FBXO38: variants seen among roughly 807,000 people sequenced by gnomAD.
FBXO38 encodes the protein F-box protein 38.
A neutral mutation model predicts 131.9 loss-of-function variants in FBXO38; 53 were observed. That is an observed-to-expected ratio of 0.40 (90% confidence interval 0.32 to 0.51). FBXO38 has a LOEUF of 0.51. FBXO38 is among the 20% of genes least tolerant of loss of function. The pLI is 0.53. For missense variants in FBXO38, 1,076 were observed against 1,475.6 expected (o/e 0.73, Z 4.44); for synonymous variants, 452 against 505.6 (o/e 0.89, Z 1.42).
chr5:148,432,160 T>G (rs968414593), intron 15 of FBXO38, among the ~76,000 whole-genome samples: 1 of 152,202 alleles, frequency 6.6e-6, no homozygotes, highest in Admixed American at 6.5e-5. Context: ...AAAAAAGCAG[T>G]ATAGTGGTGA....
intron 14 of FBXO38, among the ~76,000 whole-genome samples, 173 bp from the exon 15 acceptor site, chr5:148,427,040 G>T (rs1351634813): frequency 6.6e-6 from 1 of 152,162 alleles, no homozygotes; most frequent in East Asian, 1.9e-4. Context: ...ATAGACACTA[G>T]GGAGCCATAG....
intron 12 of FBXO38, among the ~76,000 whole-genome samples, chr5:148,423,501 T>C (rs1432417680): frequency 6.6e-6 from 1 of 152,236 alleles, no homozygotes; most frequent in Non-Finnish European, 1.5e-5. Context: ...TGATTGGCTT[T>C]TATCATGAAA....
chr5:148,435,372 G>T (rs914149788), intron 17 of FBXO38, among the ~76,000 whole-genome samples: 1 of 152,150 alleles, frequency 6.6e-6, no homozygotes, highest in Non-Finnish European at 1.5e-5. Flanking sequence ...TTCTTCCTTG[G>T]TGTTCACAAC....
intron 1 of FBXO38, 76 bp from the exon 2 acceptor site, chr5:148,394,637 GA>G (rs1758380818): frequency 1.7e-6 from 1 of 576,944 alleles, no homozygotes; most frequent in African/African-American, 2.0e-5. Context: ...GTGTGTGTTT[GA>G]AAATAAACAT....
rs1561552014 is a variant in FBXO38, at chr5:148,442,655, C to T, written c.*508C>T. 6.6e-6 allele frequency: 1 copy of T among 151,980 alleles called. No individual in the cohort carries two copies. Among genetic ancestry groups the T allele is most frequent in the Non-Finnish European group, 1.5e-5 (1 of 68,046 alleles). 9.4% of individuals were successfully genotyped at this position (151,980 alleles called of 1,614,324 possible). On this transcript the variant is annotated 3_prime_UTR_variant, in exon 22 of 22. Transcript: ENST00000340253. ...TATGTTTCTGTACAAAGCTGTAGTTCTTTCTTAGTATTATAGTTGCCATGT... is the reference window on the plus strand; with the variant it reads ...TATGTTTCTGTACAAAGCTGTAGTTTTTTCTTAGTATTATAGTTGCCATGT...
chr5:148,399,411 A>G (rs1297926103), intron 3 of FBXO38: 3 of 388,588 alleles, frequency 7.7e-6, no homozygotes, highest in East Asian at 4.8e-5. Flanking sequence ...GCCTTTGGTT[A>G]ATTGAGTATA....
At chr5:148,397,554 A>G (rs1005991044) in intron 2 of FBXO38, 3 of 152,216 alleles carry the variant, frequency 2.0e-5, no homozygotes, top group Non-Finnish European at 4.4e-5. Flanking sequence ...GTTATAGAGT[A>G]AATTAAGTTA....
At chr5:148,434,739 T>C (rs1164114724) in intron 17 of FBXO38, 1 of 152,194 alleles carries the variant, frequency 6.6e-6, no homozygotes, top group Admixed American at 6.5e-5. Context: ...TATACTATAG[T>C]CTATTATATG....
intron 9 of FBXO38, chr5:148,413,472 G>C (rs781466858): frequency 3.3e-5 from 5 of 152,298 alleles, no homozygotes; most frequent in Non-Finnish European, 5.9e-5. Context: ...TGGAGCGTGA[G>C]GGGGCAGGCA....
At position 148,442,352 on chromosome 5, in the gene FBXO38, A is replaced by G. The variant is rs1286087225; in HGVS notation, c.*205A>G. 18 of 394,562 alleles carry G rather than the reference A, an allele frequency of 4.6e-5. 1 individual carries two copies. The East Asian group carries it at 6.5e-4, about 14-fold the overall frequency. The allele number at this position is 394,562 out of a possible 1,614,324, so 24.4% of individuals were successfully genotyped here. A position where few individuals can be genotyped will look rare whatever the true frequency, so the allele number is the denominator to read the frequency against. ...AGACGCTTCCTAAAGTACCAACTTTATATCATATGTTTATACAATTTAATT... is the reference window on the plus strand; with the variant it reads ...AGACGCTTCCTAAAGTACCAACTTTGTATCATATGTTTATACAATTTAATT... On this transcript the variant is annotated 3_prime_UTR_variant, in exon 22 of 22. Coordinates refer to ENST00000340253, the MANE Select transcript of FBXO38 (RefSeq NM_205836.3).
chr5:148,398,455 AAT>A (rs1491163254), intron 2 of FBXO38, among the ~76,000 whole-genome samples: 2 of 147,584 alleles, frequency 1.4e-5, no homozygotes, highest in Admixed American at 6.7e-5. Flanking sequence ...AAAAAAAAAA[AAT>A]GGGAAAAGAA....
rs905158235 is a variant in FBXO38 at position 148,427,568 on chromosome 5, G to A, written c.2274G>A (p.Glu758=). ...RQCACSPGGS[E]DSEAMEEGDA... is the part of the protein sequence containing the mutation. ...GTGCCTGCTCCCCCGGTGGGTCAGA[G>A]GACTCTGAGGCCATGGAGGAGGGAG... Residue 758 remains glutamate, a synonymous_variant, in exon 15 of 22, where the codon GAG becomes GAA. Transcript: ENST00000340253. The A allele has an allele frequency of 6.2e-7, 1 of 1,614,172 alleles. No homozygotes were observed. Among genetic ancestry groups the A allele is most frequent in the Non-Finnish European group, 8.5e-7 (1 of 1,180,040 alleles).
At chr5:148,413,732 A>G (rs1581255311) in intron 9 of FBXO38, 1 of 155,278 alleles carries the variant, frequency 6.4e-6, no homozygotes, top group African/African-American at 2.4e-5. Flanking sequence ...ACATGTCCAC[A>G]CTGGGCTCCA....
Position 148,399,110 on chromosome 5 carries a change from G to A in FBXO38, c.240G>A (p.Arg80=), listed in dbSNP as rs755427916. The change falls in exon 3 of 22, where the codon CGG becomes CGA. Residue 80 remains arginine (R), a synonymous_variant. Coordinates refer to ENST00000340253, the MANE Select transcript of FBXO38 (RefSeq NM_205836.3). The part of the protein sequence containing the change: ...VVRVVDLCAG[R]WWEYMPSGFT... ...GAGTTGTAGATCTCTGTGCAGGGCG[G>A]TGGTGGGAATACATGCCAAGTGGTA... The A allele has an allele frequency of 2.5e-6, 4 of 1,612,222 alleles. No individual in the cohort carries two copies. Among genetic ancestry groups the A allele is most frequent in the Non-Finnish European group, 3.4e-6 (4 of 1,179,166 alleles).
chr5:148,421,049 C>T (rs908599925), intron 12 of FBXO38, among the ~76,000 whole-genome samples: 2 of 152,094 alleles, frequency 1.3e-5, no homozygotes, highest in East Asian at 3.9e-4. Context: ...TCACTACAAC[C>T]TCCGCCTCCT....
chr5:148,438,379 A>G lies in FBXO38; in HGVS notation c.2905A>G (p.Ile969Val), dbSNP rs373620719. 23 of 1,614,044 alleles carry G rather than the reference A, an allele frequency of 1.4e-5. No individual in the cohort carries two copies. The highest frequency in any genetic ancestry group is 1.9e-5 in the Non-Finnish European group (23 of 1,179,924). Residue 969 changes from isoleucine (I) to valine (V), a missense_variant, in exon 18 of 22, where the codon ATT becomes GTT. Around this residue, in one of 8 missense-constraint regions of FBXO38, gnomAD observed 282 missense variants for 418.8 expected, o/e 0.67. Transcript: ENST00000340253. The stretch of plus-strand genomic sequence containing the variant: ...ACATTTAAAGGTAGAAAATGCACCA[A>G]TTGTAAACCGATTTGACTATGCACA... Reference protein sequence around the residue: ...LKHLKVENAPIVNRFDYAQCK... With the variant: ...LKHLKVENAPVVNRFDYAQCK...
chr5:148,418,118 G>A (rs1017647228), intron 12 of FBXO38, among the ~76,000 whole-genome samples: 6 of 152,118 alleles, frequency 3.9e-5, no homozygotes, highest in African/African-American at 1.4e-4. Flanking sequence ...TCTTGGCAAA[G>A]TCACTAGTGA....
chr5:148,398,951 A>T (rs376302135), intron 2 of FBXO38, 48 bp from the exon 3 acceptor site: 3 of 1,606,466 alleles, frequency 1.9e-6, no homozygotes, highest in East Asian at 2.2e-5. Context: ...ACTGGTGAGA[A>T]GTAATACTTA....
chr5:148,389,294 A>AG, intron 1 of FBXO38, among the ~76,000 whole-genome samples: 1 of 152,368 alleles, frequency 6.6e-6, no homozygotes, highest in South Asian at 2.1e-4. Context: ...ACACACAGAC[A>AG]TGAAGTGAGC....
Sources: allele counts gnomAD v4.1 joint callset (sites outside exome capture counted in the v4.1 genomes callset), GRCh38; gene constraint gnomAD v4.1.1; regional missense constraint gnomAD v4.1.1; transcripts MANE v1.5; gene names NCBI Gene and HGNC (gene_info 2026-07-23, HGNC 2026-07-21).